Variants in DST observed in about 807,000 individuals in gnomAD.
DST encodes the protein dystonin, also known as bullous pemphigoid antigen.
A neutral mutation model predicts 875.2 loss-of-function variants in DST; 253 were observed. The observed-to-expected ratio is 0.29, with a 90% CI of 0.26 to 0.32. The LOEUF is 0.32. DST is among the 10% of genes least tolerant of loss of function. The probability of loss-of-function intolerance (pLI) is 1.00; values close to 1 mark genes in which losing one functional copy is unlikely to be tolerated. For missense variants in DST, 8,287 were observed against 9,111.6 expected (o/e 0.91, Z 3.68); for synonymous variants, 3,124 against 3,197.1 (o/e 0.98, Z 0.77).
intron 9 of DST, among the ~76,000 whole-genome samples, chr6:56,679,194 C>T (rs2099145176): frequency 6.6e-6 from 1 of 152,132 alleles, no homozygotes; most frequent in Non-Finnish European, 1.5e-5. Context: ...ATTTCCACCA[C>T]TTCCTTGCTA....
rs765748912 is a variant in DST at position 56,597,719 on chromosome 6, CAT to C, written c.12195+19_12195+20del. ...ACCTGGAAATAGAATTGAACGATAT[CAT>C]ATGTTTATAACAACACACCTTAACT... On this transcript the variant is annotated intron_variant, in intron 47 of 103. Transcript: ENST00000680361. 11 of 1,601,342 alleles carry C rather than the reference CAT, an allele frequency of 6.9e-6. No homozygotes were observed. Among genetic ancestry groups the C allele is most frequent in the South Asian group, 1.1e-5 (1 of 89,356 alleles).
chr6:56,491,929 A>AT (rs1683357921), intron 85 of DST, among the ~76,000 whole-genome samples: 1 of 152,186 alleles, frequency 6.6e-6, no homozygotes, highest in African/African-American at 2.4e-5. Context: ...AACAAACCCA[A>AT]TAAAAAAAAA....
intron 9 of DST, among the ~76,000 whole-genome samples, chr6:56,673,415 G>C (rs2099112750): frequency 6.6e-6 from 1 of 152,172 alleles, no homozygotes; most frequent in African/African-American, 2.4e-5. Flanking sequence ...AGAAATGGTA[G>C]ATAGCTGGGG....
intron 4 of DST, among the ~76,000 whole-genome samples, chr6:56,844,774 G>T (rs1193493853): frequency 6.6e-6 from 1 of 151,720 alleles, no homozygotes; most frequent in Admixed American, 6.6e-5. Context: ...TCGGGAGGTT[G>T]AGGCAGAGAA....
intron 4 of DST, among the ~76,000 whole-genome samples, chr6:56,785,198 A>C (rs1326480283): frequency 6.6e-6 from 1 of 152,184 alleles, no homozygotes; most frequent in Non-Finnish European, 1.5e-5. Context: ...TCTGCCCATT[A>C]TCAGATCTCC....
intron 5 of DST, among the ~76,000 whole-genome samples, chr6:56,716,124 T>C (rs35494794): frequency 0.12 from 18,072 of 152,222 alleles, 1,463 homozygotes; most frequent in Middle Eastern, 0.19. Flanking sequence ...GTCTGGTAAA[T>C]GACTGGCTGG....
intron 10 of DST, among the ~76,000 whole-genome samples, chr6:56,657,261 T>C (rs191603518): frequency 6.6e-6 from 1 of 152,198 alleles, no homozygotes; most frequent in East Asian, 1.9e-4. Flanking sequence ...CAGGAGACAG[T>C]GAACCTTTTA....
Position 56,619,142 on chromosome 6 carries a change from T to G in DST, c.4930-4658A>C, listed in dbSNP as rs1305180016. Reference sequence around the variant, plus strand: ...CTCTGTTTTTGTCTGTTTATGCAAGTGTTCATTTGTGCTGCGTAGCTGATC... The same window carrying G: ...CTCTGTTTTTGTCTGTTTATGCAAGGGTTCATTTGTGCTGCGTAGCTGATC... On this transcript the variant is annotated intron_variant, in intron 36 of 103. Transcript: ENST00000680361. 8 of 1,613,862 alleles carry G rather than the reference T, an allele frequency of 5.0e-6. No individual in the cohort carries two copies. In the Admixed American group the frequency reaches 5.0e-5, roughly 10 times the overall value.
chr6:56,603,932 C>T lies in DST; in HGVS notation c.10696G>A (p.Glu3566Lys), dbSNP rs764163623. 11 of 1,611,476 alleles carry T rather than the reference C, an allele frequency of 6.8e-6. No individual in the cohort carries two copies. The Admixed American group carries it at 1.5e-4, about 22-fold the overall frequency. ...TCATTACACAGATCCTTGAGCTTCT[C>T]ATCTCTTGGCAATGTTGATGCCCAC... ...TVWASTLPRD[E>K]KLKDLCNDFP... The change falls in exon 40 of 104, where the codon GAG becomes AAG. Residue 3566 changes from glutamate (E) to lysine (K), a missense_variant. Around this residue, in one of 10 missense-constraint regions of DST, gnomAD observed 3,138 missense variants for 3,116.6 expected, o/e 1.01. Transcript: ENST00000680361.
chr6:56,746,514 A>G (rs896814620), intron 4 of DST, among the ~76,000 whole-genome samples: 19 of 152,218 alleles, frequency 1.2e-4, no homozygotes, highest in African/African-American at 4.6e-4. Flanking sequence ...AATTTTAATA[A>G]AGGAAAATCT....
At chr6:56,561,166 A>G in intron 57 of DST, 142 bp downstream of exon 57, 1 of 966,088 alleles carries the variant, frequency 1.0e-6, no homozygotes, top group Non-Finnish European at 1.5e-6. Context: ...AGAAAGGCAC[A>G]TTAAACAAAA....
Position 56,526,364 on chromosome 6 carries a change from C to A in DST, c.18126G>T (p.Gln6042His), listed in dbSNP as rs767309219. 1 of 1,613,580 alleles carries A rather than the reference C, an allele frequency of 6.2e-7. No individual in the cohort carries two copies. The highest frequency in any genetic ancestry group is 1.7e-5 in the Admixed American group (1 of 59,922). ...EEIDAAILRS[Q>H]QFDQAADAEL... ...ACAACAAACCATTTTTCCCTACCTGCTGTGATCGCAGAATGGCTGCATCGA... is the reference window on the plus strand; with the variant it reads ...ACAACAAACCATTTTTCCCTACCTGATGTGATCGCAGAATGGCTGCATCGA... The change falls in exon 69 of 104, where the codon CAG (glutamine) becomes CAT (histidine). Residue 6042 changes from glutamine to histidine, a missense_variant. By Grantham distance (24) the Gln-to-His change is conservative. Transcript: ENST00000680361.
chr6:56,601,983 A>G (rs368037022), intron 43 of DST: 34 of 450,938 alleles, frequency 7.5e-5, no homozygotes, highest in Non-Finnish European at 1.4e-4. Context: ...ACTTAGGTAT[A>G]TTTAGCACAC....
At position 56,622,539 on chromosome 6, in the gene DST, C is replaced by A. The variant is rs187263523; in HGVS notation, c.4929+1991G>T. 6.9e-4 allele frequency among the ~76,000 whole-genome samples: 89 copies of A among 129,412 alleles called. 1 individual carries two copies. Among genetic ancestry groups the A allele is most frequent in the Non-Finnish European group, 1.1e-3 (74 of 64,626 alleles). 84.9% of individuals were successfully genotyped at this position (129,412 alleles called of 152,430 possible). A position where few individuals can be genotyped will look rare whatever the true frequency, so the allele number is the denominator to read the frequency against. On this transcript the variant is annotated intron_variant, in intron 36 of 103. Coordinates refer to ENST00000680361, the MANE Select transcript of DST (RefSeq NM_001374736.1). ...GCAGTGAGCCGAGATCACGCCACTGCACTCCAGCCTGGGCAACAGAGATCC... is the reference window on the plus strand; with the variant it reads ...GCAGTGAGCCGAGATCACGCCACTGAACTCCAGCCTGGGCAACAGAGATCC...
rs1483055249 is a variant in DST, at chr6:56,900,608, C to T, written c.230G>A (p.Ser77Asn). 7.3e-7 allele frequency: 1 copy of T among 1,367,556 alleles called. No homozygotes were observed. Among genetic ancestry groups the T allele is most frequent in the Admixed American group, 1.9e-5 (1 of 52,582 alleles). The allele number at this position is 1,367,556 out of a possible 1,614,324, so 84.7% of individuals were successfully genotyped here. A position where few individuals can be genotyped will look rare whatever the true frequency, so the allele number is the denominator to read the frequency against. Reference protein sequence around the residue: ...HHFRSEGFRASPRHLRRRVAA... With the variant: ...HHFRSEGFRANPRHLRRRVAA... ...AACTCGTCTTCTAAGATGCCGAGGGCTTGCTCTGAATCCCTGTGGCAGAAA... is the reference window on the plus strand; with the variant it reads ...AACTCGTCTTCTAAGATGCCGAGGGTTTGCTCTGAATCCCTGTGGCAGAAA... Residue 77 changes from serine to asparagine, a missense_variant, in exon 3 of 104, where the codon AGC becomes AAC. Physicochemically the swap from Ser to Asn is conservative, Grantham distance 46 (BLOSUM62 1). Transcript: ENST00000680361.
At chr6:56,539,842 T>C (rs1460238977) in intron 61 of DST, among the ~76,000 whole-genome samples, 1 of 152,174 alleles carries the variant, frequency 6.6e-6, no homozygotes. Context: ...TTAATGTGGA[T>C]AGAGTACTTT....
intron 2 of DST, among the ~76,000 whole-genome samples, chr6:56,947,831 C>T (rs1178665544): frequency 6.6e-6 from 1 of 151,554 alleles, no homozygotes; most frequent in Non-Finnish European, 1.5e-5. Context: ...TCTCATTTCT[C>T]TGAATCTACT....
At chr6:56,701,071 C>T (rs1276479028) in intron 8 of DST, among the ~76,000 whole-genome samples, 1 of 148,598 alleles carries the variant, frequency 6.7e-6, no homozygotes, top group Non-Finnish European at 1.5e-5. Flanking sequence ...CCTCAATTTC[C>T]TGGGCTCAAG....
intron 50 of DST, among the ~76,000 whole-genome samples, chr6:56,577,812 T>TA (rs1367531363): frequency 3.9e-5 from 6 of 152,146 alleles, no homozygotes; most frequent in African/African-American, 1.4e-4. Context: ...TGTAAGATAG[T>TA]AAAAAATATG....
Sources: allele counts gnomAD v4.1 joint callset (sites outside exome capture counted in the v4.1 genomes callset), GRCh38; gene constraint gnomAD v4.1.1; regional missense constraint gnomAD v4.1.1; transcripts MANE v1.5; gene names NCBI Gene and HGNC (gene_info 2026-07-23, HGNC 2026-07-21).